Variants in LRCH2 observed in about 807,000 individuals in gnomAD.
LRCH2 encodes leucine-rich repeat and calponin homology domain-containing protein 2.
LRCH2 carries 38 observed loss-of-function variants against 68.9 expected under a neutral mutation model. The observed-to-expected ratio is 0.55, with a 90% confidence interval of 0.43 to 0.72. The LOEUF is 0.72. Among genes scored for constraint, LRCH2 ranks in the 30% least tolerant of loss-of-function variants. The pLI, the probability that LRCH2 is intolerant of heterozygous loss-of-function variation, is 0.00. For synonymous variants in LRCH2, 191 were observed against 208.1 expected (o/e 0.92, Z 0.71); for missense variants, 528 against 572.9 (o/e 0.92, Z 0.80).
rs2072937222 is a variant in LRCH2, at chrX:115,202,461, T to C, written c.350-14091A>G. 3.6e-5 allele frequency among the ~76,000 whole-genome samples: 4 copies of C among 112,127 alleles called. No homozygotes were observed. In the South Asian group the frequency reaches 1.5e-3, roughly 42 times the overall value. ...TGGGTGACAGATTCTCTGAATCCCC[T>C]AACTTGACTACTATGCATGTAATAA... On this transcript the variant is annotated intron_variant, in intron 1 of 20. Coordinates refer to ENST00000317135, the MANE Select transcript of LRCH2 (RefSeq NM_020871.4).
intron 1 of LRCH2, chrX:115,189,807 C>G (rs782818723): frequency 1.7e-6 from 2 of 1,166,341 alleles, no homozygotes; most frequent in Non-Finnish European, 2.3e-6. Flanking sequence ...AGCGACCCCC[C>G]TCTCAGGGCA....
chrX:115,153,749 TA>T (rs1156527153), intron 12 of LRCH2, among the ~76,000 whole-genome samples: 3 of 109,422 alleles, frequency 2.7e-5, no homozygotes, highest in East Asian at 5.7e-4. Flanking sequence ...CTCTAACCCC[TA>T]AAAAAACCAT....
intron 1 of LRCH2, among the ~76,000 whole-genome samples, chrX:115,221,428 T>A (rs1556573856): frequency 9.2e-6 from 1 of 108,707 alleles, no homozygotes; most frequent in Non-Finnish European, 1.9e-5. Flanking sequence ...TATATATTTA[T>A]GAAGTAGTGG....
At chrX:115,217,265 C>CATGG (rs1299439730) in intron 1 of LRCH2, among the ~76,000 whole-genome samples, 1 of 111,668 alleles carries the variant, frequency 9.0e-6, no homozygotes, top group Non-Finnish European at 1.9e-5. Context: ...TTCTGGGATA[C>CATGG]ATGGGCAGAA....
At chrX:115,133,859 G>T (rs2072266593) in intron 14 of LRCH2, among the ~76,000 whole-genome samples, 1 of 111,752 alleles carries the variant, frequency 8.9e-6, no homozygotes, top group South Asian at 3.7e-4. Flanking sequence ...AAGTGTTCAA[G>T]TGAAAAGAAA....
At chrX:115,147,189 T>C in intron 14 of LRCH2, among the ~76,000 whole-genome samples, 1 of 111,664 alleles carries the variant, frequency 9.0e-6, no homozygotes, top group East Asian at 2.8e-4. Flanking sequence ...AAATCCAGAT[T>C]AGCTTTAATA....
At chrX:115,139,667 G>C (rs2072319936) in intron 14 of LRCH2, among the ~76,000 whole-genome samples, 1 of 110,868 alleles carries the variant, frequency 9.0e-6, no homozygotes, top group African/African-American at 3.3e-5. Context: ...AGTGCAGGGA[G>C]AGAAAGCCTG....
chrX:115,159,454 TA>T (rs782014841), intron 11 of LRCH2, among the ~76,000 whole-genome samples: 15 of 106,231 alleles, frequency 1.4e-4, no homozygotes, highest in Admixed American at 4.1e-4. Context: ...GTTTATCAAT[TA>T]AAAAAAAAAA....
Position 115,161,079 on chromosome X carries a change from G to A in LRCH2, c.1463+2597C>T, listed in dbSNP as rs914522978. Among the ~76,000 whole-genome samples the A allele has an allele frequency of 4.4e-4, 50 of 112,502 alleles. 1 individual carries two copies. Among genetic ancestry groups the A allele is most frequent in the Admixed American group, 4.0e-3 (43 of 10,690 alleles). Reference sequence around the variant, plus strand: ...AGTAAAATGTGCTCTTTGGCCGGGCGTGGTGGCTCACGCCTGTAATCCCAG... The same window carrying A: ...AGTAAAATGTGCTCTTTGGCCGGGCATGGTGGCTCACGCCTGTAATCCCAG... On this transcript the variant is annotated intron_variant, in intron 11 of 20. Transcript: ENST00000317135.
At chrX:115,227,929 T>C (rs2147370605) in intron 1 of LRCH2, among the ~76,000 whole-genome samples, 1 of 111,675 alleles carries the variant, frequency 9.0e-6, no homozygotes, top group South Asian at 3.8e-4. Context: ...CAGAATCAAG[T>C]GTTCCTGAAA....
At chrX:115,189,466 A>C (rs1556556058) in intron 1 of LRCH2, 44 of 1,176,815 alleles carry the variant, frequency 3.7e-5, no homozygotes, top group Non-Finnish European at 4.7e-5. Flanking sequence ...TCGCCCAGAG[A>C]AGCTTTTCAT....
intron 11 of LRCH2, among the ~76,000 whole-genome samples, chrX:115,162,878 CA>C (rs1327200389): frequency 9.3e-6 from 1 of 107,402 alleles, no homozygotes; most frequent in South Asian, 4.0e-4. Flanking sequence ...TTTCTCAAAG[CA>C]AAAAAAAACC....
chrX:115,143,165 TGAA>T (rs1393661440), intron 14 of LRCH2, among the ~76,000 whole-genome samples: 4 of 109,564 alleles, frequency 3.7e-5, no homozygotes, highest in Non-Finnish European at 5.7e-5. Flanking sequence ...AAATTTGAAA[TGAA>T]GAAAAATAAA....
At chrX:115,148,063 C>G (rs1556537019) in intron 14 of LRCH2, among the ~76,000 whole-genome samples, 1 of 95,162 alleles carries the variant, frequency 1.1e-5, no homozygotes, top group African/African-American at 4.5e-5. Context: ...GAGAGAGACT[C>G]TGTCTCTTAA....
Position 115,165,824 on chromosome X carries a change from G to T in LRCH2, c.1198+17C>A, listed in dbSNP as rs1364111477. 8 of 1,086,141 alleles carry T rather than the reference G, an allele frequency of 7.4e-6. No homozygotes were observed. Among genetic ancestry groups the T allele is most frequent in the Non-Finnish European group, 8.7e-6 (7 of 807,345 alleles). The allele number at this position is 1,086,141 out of a possible 1,213,427, so 89.5% of individuals were successfully genotyped here. The stretch of plus-strand genomic sequence containing the variant: ...CTATGTACATGAAACAAAAATAGCA[G>T]GTACCATATGAATTACCTTTCTGAG... On this transcript the variant is annotated intron_variant, in intron 8 of 20. Transcript: ENST00000317135.
intron 14 of LRCH2, among the ~76,000 whole-genome samples, chrX:115,135,059 G>A (rs146529718): frequency 0.11 from 11,578 of 110,036 alleles, 605 homozygotes; most frequent in Non-Finnish European, 0.16. Context: ...GGAAATAACT[G>A]TAGATGTGGT....
chrX:115,191,790 A>G lies in LRCH2; in HGVS notation c.350-3420T>C, dbSNP rs782302313. The G allele has an allele frequency of 2.9e-5, 34 of 1,154,866 alleles. No individual in the cohort carries two copies. In the Admixed American group the frequency reaches 6.7e-4, roughly 23 times the overall value. ...GAGGAGGCCGCTACGAGGAGTACCG[A>G]GGCCGCTCGCTCGATGCCAACAGCG... On this transcript the variant is annotated intron_variant, in intron 1 of 20. Transcript: ENST00000317135.
At chrX:115,130,451 CCATT>C (rs1264538338) in intron 14 of LRCH2, among the ~76,000 whole-genome samples, 3 of 111,610 alleles carry the variant, frequency 2.7e-5, no homozygotes, top group Non-Finnish European at 5.7e-5. Flanking sequence ...AAGCTATTTC[CCATT>C]CATTCAGGTG....
At position 115,126,499 on chromosome X, in the gene LRCH2, T is replaced by G. The variant is rs184418882; in HGVS notation, c.1791+344A>C. On this transcript the variant is annotated intron_variant, in intron 16 of 20. Coordinates refer to ENST00000317135, the MANE Select transcript of LRCH2 (RefSeq NM_020871.4). ...AGTTGTTCTTAAAATCTATCATTTA[T>G]TTTAAAATACGGATGAATGAGAAAG... 44 of 127,880 alleles carry G rather than the reference T, an allele frequency of 3.4e-4. No individual in the cohort carries two copies. The East Asian group carries it at 8.4e-3, about 24-fold the overall frequency. 10.5% of individuals were successfully genotyped at this position (127,880 alleles called of 1,213,427 possible). A position where few individuals can be genotyped will look rare whatever the true frequency, so the allele number is the denominator to read the frequency against.
Sources: allele counts gnomAD v4.1 joint callset (sites outside exome capture counted in the v4.1 genomes callset), GRCh38; gene constraint gnomAD v4.1.1; transcripts MANE v1.5; gene names NCBI Gene and HGNC (gene_info 2026-07-23, HGNC 2026-07-21).